RASSF3: variants seen among roughly 807,000 people sequenced by gnomAD.
The protein encoded by RASSF3 is ras association domain-containing protein 3.
Under a neutral mutation model 19.9 loss-of-function variants are expected in RASSF3, and 19 were observed. The ratio of observed to expected loss-of-function variants is 0.96; its 90% CI spans 0.67 to 1.40. RASSF3 has a LOEUF of 1.40. Among genes scored for constraint, RASSF3 ranks in the 40% most tolerant of loss-of-function variants. RASSF3 has a pLI of 0.00. For synonymous variants in RASSF3, 110 were observed against 104.2 expected (o/e 1.06, Z -0.34); for missense variants, 306 against 289.8 (o/e 1.06, Z -0.41).
At chr12:64,584,726 G>A (rs952409398) in intron 2 of RASSF3, among the ~76,000 whole-genome samples, 1 of 152,000 alleles carries the variant, frequency 6.6e-6, no homozygotes, top group Non-Finnish European at 1.5e-5. Flanking sequence ...TGGTTAGGGA[G>A]AGGCCTCACA....
At position 64,539,054 on chromosome 12, in the gene RASSF3, T is replaced by C. The variant is rs566239051; in HGVS notation, c.68-2527T>C. 7.9e-5 allele frequency among the ~76,000 whole-genome samples: 12 copies of C among 152,072 alleles called. No homozygotes were observed. In the East Asian group the frequency reaches 2.3e-3, roughly 29 times the overall value. ...GAATGAGACTCCATCTCAATAAAAATAAAAATTGGAATTGTCTTAGTATGT... is the reference window on the plus strand; with the variant it reads ...GAATGAGACTCCATCTCAATAAAAACAAAAATTGGAATTGTCTTAGTATGT... On this transcript the variant is annotated intron_variant, in intron 1 of 1. Coordinates refer to the RASSF3 transcript ENST00000636333.
chr12:64,648,822 T>C (rs865884834), intron 1 of RASSF3, among the ~76,000 whole-genome samples: 1 of 149,628 alleles, frequency 6.7e-6, no homozygotes, highest in Non-Finnish European at 1.5e-5. Flanking sequence ...TTTTTTTTTT[T>C]AGAGATAGGG....
chr12:64,532,089 T>G (rs1868720340), upstream of RASSF3, among the ~76,000 whole-genome samples: 1 of 152,104 alleles, frequency 6.6e-6, no homozygotes, highest in South Asian at 2.1e-4. Flanking sequence ...ACCCGCAGAT[T>G]TCTAACCATT....
At chr12:64,622,919 C>G (rs770770494) in intron 1 of RASSF3, among the ~76,000 whole-genome samples, 1 of 151,502 alleles carries the variant, frequency 6.6e-6, no homozygotes, top group African/African-American at 2.4e-5. Flanking sequence ...CTCCTGAGTT[C>G]AAGTGATTCT....
At chr12:64,667,956 A>G (rs912878485) in intron 1 of RASSF3, among the ~76,000 whole-genome samples, 5 of 152,226 alleles carry the variant, frequency 3.3e-5, no homozygotes, top group Admixed American at 3.3e-4. Flanking sequence ...TCCCAAGGTC[A>G]CGCAGATAGC....
chr12:64,647,783 C>T (rs1871793781), intron 1 of RASSF3, among the ~76,000 whole-genome samples: 1 of 152,036 alleles, frequency 6.6e-6, no homozygotes, highest in Non-Finnish European at 1.5e-5. Context: ...CTCCTGGGCT[C>T]AAGCAGTCCT....
intron 1 of RASSF3, among the ~76,000 whole-genome samples, chr12:64,672,745 G>A (rs1872741642): frequency 6.6e-6 from 1 of 152,076 alleles, no homozygotes; most frequent in Non-Finnish European, 1.5e-5. Context: ...CTGAACTCCT[G>A]GGCTCAAGCG....
intron 1 of RASSF3, among the ~76,000 whole-genome samples, chr12:64,516,301 T>C (rs993771599): frequency 6.6e-6 from 1 of 152,138 alleles, no homozygotes; most frequent in African/African-American, 2.4e-5. Flanking sequence ...CAGTGGGATA[T>C]AATGTGACTG....
At chr12:64,632,943 C>G (rs1014868530) in intron 1 of RASSF3, among the ~76,000 whole-genome samples, 1 of 152,150 alleles carries the variant, frequency 6.6e-6, no homozygotes, top group African/African-American at 2.4e-5. Context: ...GAAAAAAAGT[C>G]TTTGAAGACC....
At chr12:64,532,880 T>C (rs1007639124), upstream of RASSF3, among the ~76,000 whole-genome samples, 17 of 152,068 alleles carry the variant, frequency 1.1e-4, no homozygotes, top group Non-Finnish European at 2.4e-4. Flanking sequence ...ACTATTATTT[T>C]CCTCATTTTA....
At chr12:64,616,182 G>A (rs567016384) in intron 1 of RASSF3, among the ~76,000 whole-genome samples, 21 of 152,228 alleles carry the variant, frequency 1.4e-4, no homozygotes, top group Non-Finnish European at 3.1e-4. Flanking sequence ...AATTTCAGAA[G>A]AAAAAGTTTC....
rs190735021 is a variant in RASSF3, at chr12:64,675,616, G to A, written c.112-9171G>A. 1.1e-3 allele frequency among the ~76,000 whole-genome samples: 166 copies of A among 152,206 alleles called. 2 individuals carry two copies. Among genetic ancestry groups the A allele is most frequent in the African/African-American group, 3.4e-3 (143 of 41,542 alleles). Reference sequence around the variant, plus strand: ...CACTCTTTGGAAAGCATGGCCCCCCGCTGTTCTGCAAAGCTGTGTGCCTTG... The same window carrying A: ...CACTCTTTGGAAAGCATGGCCCCCCACTGTTCTGCAAAGCTGTGTGCCTTG... On this transcript the variant is annotated intron_variant, in intron 1 of 4. Coordinates refer to ENST00000542104, the MANE Select transcript of RASSF3 (RefSeq NM_178169.4).
chr12:64,548,409 C>T (rs1228376892), intron 2 of RASSF3, among the ~76,000 whole-genome samples: 3 of 151,932 alleles, frequency 2.0e-5, no homozygotes, highest in South Asian at 2.1e-4. Context: ...AGGCTGGTCT[C>T]GAACTCCTGG....
intron 1 of RASSF3, among the ~76,000 whole-genome samples, chr12:64,612,033 C>T (rs1380280463): frequency 1.3e-5 from 2 of 152,122 alleles, no homozygotes; most frequent in East Asian, 3.9e-4. Flanking sequence ...TAAGGCCCCA[C>T]TATTTACGAG....
At chr12:64,643,158 G>A (rs565125852) in intron 1 of RASSF3, among the ~76,000 whole-genome samples, 5 of 148,454 alleles carry the variant, frequency 3.4e-5, no homozygotes, top group African/African-American at 1.2e-4. Flanking sequence ...GAGCCATCAC[G>A]CCTGGCCCGG....
intron 1 of RASSF3, among the ~76,000 whole-genome samples, chr12:64,634,744 C>T (rs1024672660): frequency 7.8e-6 from 1 of 127,546 alleles, no homozygotes. Context: ...CTGCACGACA[C>T]AGCGAGACAC....
chr12:64,668,680 A>ATTTTT (rs34052700), intron 1 of RASSF3, among the ~76,000 whole-genome samples: 1 of 124,208 alleles, frequency 8.1e-6, no homozygotes. Flanking sequence ...TTTAATTTTG[A>ATTTTT]TTTTTTTTTT....
chr12:64,625,486 C>G lies in RASSF3; in HGVS notation c.111+14743C>G, dbSNP rs545884854. ...AACTTCCTCTTTCTCTCTTATCTGCCTCTGATCACGGGATCCTGGTTAGTT... is the reference window on the plus strand; with the variant it reads ...AACTTCCTCTTTCTCTCTTATCTGCGTCTGATCACGGGATCCTGGTTAGTT... On this transcript the variant is annotated intron_variant, in intron 1 of 4. Transcript: ENST00000542104. 9.9e-5 allele frequency among the ~76,000 whole-genome samples: 15 copies of G among 151,362 alleles called. No homozygotes were observed. In the South Asian group the frequency reaches 3.1e-3, roughly 32 times the overall value.
At chr12:64,520,474 T>TAAAGC (rs1278233289) in intron 1 of RASSF3, among the ~76,000 whole-genome samples, 2 of 150,666 alleles carry the variant, frequency 1.3e-5, no homozygotes, top group Non-Finnish European at 3.0e-5. Flanking sequence ...TCTGATTCTT[T>TAAAGC]AAAGCAAATA....
Sources: gnomAD v4.1 joint callset for allele counts (sites outside exome capture counted in the v4.1 genomes callset) on GRCh38, gnomAD v4.1.1 for gene constraint, MANE v1.5 for transcripts, NCBI Gene and HGNC (gene_info 2026-07-23, HGNC 2026-07-21) for gene names.